The following FHIT variants were observed in gnomAD, a reference collection of about 807,000 sequenced individuals.
The protein encoded by FHIT is bis(5'-adenosyl)-triphosphatase.
FHIT carries 19 observed loss-of-function variants against 17.9 expected under a neutral mutation model. The ratio of observed to expected loss-of-function variants is 1.06; its 90% CI spans 0.74 to 1.56. The LOEUF (loss-of-function observed/expected upper bound fraction) is 1.56, where lower values mean the gene tolerates loss of function less well. FHIT is among the 40% of genes most tolerant of loss of function. The pLI is 0.00. For missense variants in FHIT, 248 were observed against 189.2 expected (o/e 1.31, Z -1.82); for synonymous variants, 81 against 69.7 (o/e 1.16, Z -0.81).
chr3:60,258,963 G>A (rs1259304142), intron 5 of FHIT, among the ~76,000 whole-genome samples: 1 of 151,800 alleles, frequency 6.6e-6, no homozygotes, highest in African/African-American at 2.4e-5. Context: ...AAGGGGAAGG[G>A]GAAGGTAAAA....
intron 5 of FHIT, among the ~76,000 whole-genome samples, chr3:60,147,506 AG>A (rs1248060771): frequency 1.3e-5 from 2 of 152,134 alleles, no homozygotes; most frequent in Admixed American, 6.5e-5. Flanking sequence ...CATAATACAG[AG>A]GTGAAAGTTC....
At chr3:60,981,295 C>CTTTTTTTTTTTTTTTT (rs71100934) in intron 3 of FHIT, among the ~76,000 whole-genome samples, 2 of 124,500 alleles carry the variant, frequency 1.6e-5, no homozygotes, top group Non-Finnish European at 1.6e-5. Context: ...TTCTTCCTTC[C>CTTTTTTTTTTTTTTTT]TTTTTTTTTT....
intron 2 of FHIT, among the ~76,000 whole-genome samples, chr3:61,062,183 C>T (rs547641674): frequency 6.6e-6 from 1 of 152,246 alleles, no homozygotes. Context: ...ACTTCCCAAT[C>T]CAAGTATAAT....
At chr3:59,793,535 G>A (rs1699656017) in intron 8 of FHIT, among the ~76,000 whole-genome samples, 1 of 152,036 alleles carries the variant, frequency 6.6e-6, no homozygotes, top group Non-Finnish European at 1.5e-5. Context: ...CCAGACCAGT[G>A]CTCATCAAAC....
chr3:60,011,277 G>T, intron 7 of FHIT, 94 bp downstream of exon 7: 1 of 1,185,688 alleles, frequency 8.4e-7, no homozygotes, highest in Non-Finnish European at 1.3e-6. Context: ...ATAACATAAT[G>T]AAACAGCAAT....
chr3:60,744,740 G>A (rs1205934445), intron 4 of FHIT, among the ~76,000 whole-genome samples: 1 of 152,176 alleles, frequency 6.6e-6, no homozygotes, highest in Admixed American at 6.5e-5. Context: ...CATTTTCTCT[G>A]TTGGCTGTTC....
chr3:61,065,384 C>G (rs1440905705), intron 2 of FHIT, among the ~76,000 whole-genome samples: 1 of 152,068 alleles, frequency 6.6e-6, no homozygotes, highest in Non-Finnish European at 1.5e-5. Context: ...ATTTACATTT[C>G]ATAATGATCT....
At chr3:59,749,960 A>G (rs1700799307) in intron 9 of FHIT, 1 of 224,900 alleles carries the variant, frequency 4.4e-6, no homozygotes, top group Non-Finnish European at 8.9e-6. Flanking sequence ...TGCTGGGAAG[A>G]CTGAGGGTGA....
chr3:61,212,387 G>C (rs1347843936), intron 1 of FHIT, among the ~76,000 whole-genome samples: 3 of 152,190 alleles, frequency 2.0e-5, no homozygotes, highest in Non-Finnish European at 4.4e-5. Flanking sequence ...CGATCAACTG[G>C]AAGAAAGGGT....
intron 8 of FHIT, among the ~76,000 whole-genome samples, chr3:59,890,635 A>C (rs765046084): frequency 6.6e-6 from 1 of 152,172 alleles, no homozygotes; most frequent in Non-Finnish European, 1.5e-5. Context: ...GCATCTTAGC[A>C]GTCTTAAATC....
chr3:59,984,452 G>A lies in FHIT; in HGVS notation c.279+26919C>T, dbSNP rs372862019. Among the ~76,000 whole-genome samples the A allele has an allele frequency of 6.6e-5, 10 of 152,000 alleles. No individual in the cohort carries two copies. In the East Asian group the frequency reaches 1.5e-3, roughly 24 times the overall value. ...CTACCCTCTGAGTTTTCGCACTTAC[G>A]ACATAGGAAGCTGGGGAATTTATCC... On this transcript the variant is annotated intron_variant, in intron 7 of 9. Transcript: ENST00000492590.
chr3:60,740,395 G>A (rs952676195), intron 4 of FHIT, among the ~76,000 whole-genome samples: 1 of 152,072 alleles, frequency 6.6e-6, no homozygotes, highest in Non-Finnish European at 1.5e-5. Flanking sequence ...CCTACCTCAC[G>A]GATTTGTTAA....
chr3:59,831,293 G>A (rs1162527029), intron 8 of FHIT, among the ~76,000 whole-genome samples: 1 of 152,122 alleles, frequency 6.6e-6, no homozygotes, highest in Non-Finnish European at 1.5e-5. Context: ...TGATGATGAT[G>A]ATGATGACAG....
At chr3:60,620,156 G>C (rs2107750766) in intron 4 of FHIT, among the ~76,000 whole-genome samples, 1 of 152,254 alleles carries the variant, frequency 6.6e-6, no homozygotes, top group African/African-American at 2.4e-5. Flanking sequence ...AACACCAAGT[G>C]CTAGTGAGGA....
intron 5 of FHIT, among the ~76,000 whole-genome samples, chr3:60,426,771 A>T (rs541241115): frequency 3.3e-5 from 5 of 152,148 alleles, no homozygotes; most frequent in Admixed American, 3.3e-4. Flanking sequence ...GCTCTTCCTC[A>T]TACCTACATC....
intron 8 of FHIT, among the ~76,000 whole-genome samples, chr3:59,914,135 A>C (rs1488259936): frequency 6.6e-6 from 1 of 152,240 alleles, no homozygotes; most frequent in African/African-American, 2.4e-5. Context: ...TATAATTTTT[A>C]ACTCAACATT....
intron 4 of FHIT, among the ~76,000 whole-genome samples, chr3:60,721,249 G>A (rs1553707983): frequency 1.3e-5 from 2 of 152,060 alleles, no homozygotes; most frequent in Admixed American, 6.6e-5. Flanking sequence ...AGACCACACT[G>A]TACTTCAAAG....
intron 3 of FHIT, among the ~76,000 whole-genome samples, chr3:61,019,387 T>C (rs1358748964): frequency 6.6e-6 from 1 of 152,196 alleles, no homozygotes; most frequent in Non-Finnish European, 1.5e-5. Context: ...TACTATTCTA[T>C]GGCTGGTAGG....
At chr3:60,930,108 G>A (rs6767530) in intron 3 of FHIT, among the ~76,000 whole-genome samples, 90,742 of 151,040 alleles carry the variant, frequency 0.6, 27,671 homozygotes, top group East Asian at 0.73. Context: ...AAAACAAGCA[G>A]TGGGGAAAGG....
Sources: gnomAD v4.1 joint callset for allele counts (sites outside exome capture counted in the v4.1 genomes callset) on GRCh38, gnomAD v4.1.1 for gene constraint, MANE v1.5 for transcripts, NCBI Gene and HGNC (gene_info 2026-07-23, HGNC 2026-07-21) for gene names.